Variants in CFAP299 observed in about 807,000 individuals in gnomAD.
CFAP299 encodes cilia and flagella associated protein 299, also known as cilia- and flagella-associated protein 299.
Under a neutral mutation model 27.0 loss-of-function variants are expected in CFAP299, and 21 were observed. That is an observed-to-expected ratio of 0.78 (90% CI 0.55 to 1.12). The LOEUF (loss-of-function observed/expected upper bound fraction) is 1.12, where lower values mean the gene tolerates loss of function less well. Among genes scored for constraint, CFAP299 ranks in the 50% most tolerant of loss-of-function variants. The pLI is 0.00. For synonymous variants in CFAP299, 104 were observed against 98.1 expected (o/e 1.06, Z -0.36); for missense variants, 310 against 276.6 (o/e 1.12, Z -0.86).
intron 2 of CFAP299, among the ~76,000 whole-genome samples, chr4:80,396,088 C>T (rs1234722199): frequency 1.3e-5 from 2 of 152,052 alleles, no homozygotes; most frequent in African/African-American, 2.4e-5. Context: ...GTGTCACTGC[C>T]AAGTTTGTCA....
rs572215290 is a variant in CFAP299 at position 80,872,025 on chromosome 4, G to A, written c.476+1890G>A. 2.6e-5 allele frequency: 4 copies of A among 151,092 alleles called. No individual in the cohort carries two copies. In the South Asian group the frequency reaches 8.4e-4, roughly 32 times the overall value. 9.4% of individuals were successfully genotyped at this position (151,092 alleles called of 1,614,324 possible). A position where few individuals can be genotyped will look rare whatever the true frequency, so the allele number is the denominator to read the frequency against. On this transcript the variant is annotated intron_variant, in intron 4 of 5. Coordinates refer to ENST00000358105, the MANE Select transcript of CFAP299 (RefSeq NM_152770.3). ...TCTTCTACGCTATTGATTTGTTGGA[G>A]AAACCAGGTCCTGATAAACATTGTC...
intron 4 of CFAP299, among the ~76,000 whole-genome samples, chr4:80,918,948 G>T (rs1735901547): frequency 6.6e-6 from 1 of 152,100 alleles, no homozygotes; most frequent in Non-Finnish European, 1.5e-5. Context: ...TGTAGACTGT[G>T]ATGGTGGCTG....
intron 4 of CFAP299, among the ~76,000 whole-genome samples, chr4:80,918,855 C>T (rs545051174): frequency 9.2e-5 from 14 of 152,076 alleles, no homozygotes; most frequent in Middle Eastern, 3.4e-3. Flanking sequence ...TCAGAAGTTC[C>T]GGGTTCAGGG....
intron 2 of CFAP299, among the ~76,000 whole-genome samples, chr4:80,520,795 T>C (rs757436173): frequency 2.0e-5 from 3 of 152,250 alleles, no homozygotes; most frequent in Admixed American, 6.5e-5. Context: ...CAAGACTTTC[T>C]GGTGGCCTTT....
chr4:80,492,685 A>C (rs1169209774), intron 2 of CFAP299, among the ~76,000 whole-genome samples: 2 of 152,212 alleles, frequency 1.3e-5, no homozygotes, highest in Non-Finnish European at 2.9e-5. Context: ...AGGTATGGTG[A>C]GGCCAACAGA....
Position 80,860,430 on chromosome 4 carries a change from G to C in CFAP299, c.334-9563G>C, listed in dbSNP as rs113071356. Among the ~76,000 whole-genome samples, 13 of 152,300 alleles carry C rather than the reference G, an allele frequency of 8.5e-5. 1 individual carries two copies. Among genetic ancestry groups the C allele is most frequent in the African/African-American group, 2.9e-4 (12 of 41,570 alleles). On this transcript the variant is annotated intron_variant, in intron 3 of 5. Coordinates refer to ENST00000358105, the MANE Select transcript of CFAP299 (RefSeq NM_152770.3). The stretch of plus-strand genomic sequence containing the variant: ...ACTCGTCAAAGTCATTCTCTGTCCA[G>C]CTTTGTTCCATTGCTGGTGAGGAAC...
At chr4:80,631,378 TA>T (rs1739197845) in intron 3 of CFAP299, among the ~76,000 whole-genome samples, 2 of 152,210 alleles carry the variant, frequency 1.3e-5, no homozygotes, top group African/African-American at 4.8e-5. Flanking sequence ...GATACCTACA[TA>T]AACATCAAGT....
intron 4 of CFAP299, among the ~76,000 whole-genome samples, chr4:80,897,678 A>G (rs1245264328): frequency 6.6e-6 from 1 of 152,146 alleles, no homozygotes; most frequent in Non-Finnish European, 1.5e-5. Flanking sequence ...TGTTTCTGCA[A>G]GTCAGGAACC....
At chr4:80,516,620 A>C (rs1732603488) in intron 2 of CFAP299, among the ~76,000 whole-genome samples, 1 of 152,172 alleles carries the variant, frequency 6.6e-6, no homozygotes, top group African/African-American at 2.4e-5. Context: ...TAAACCATTC[A>C]TGAGGAATCT....
intron 3 of CFAP299, among the ~76,000 whole-genome samples, chr4:80,821,616 G>A (rs1328443282): frequency 6.6e-6 from 1 of 152,102 alleles, no homozygotes; most frequent in Non-Finnish European, 1.5e-5. Flanking sequence ...TTTTAAAGTA[G>A]CACCTAAAGA....
At chr4:80,464,810 C>A (rs1729626999) in intron 2 of CFAP299, among the ~76,000 whole-genome samples, 1 of 151,940 alleles carries the variant, frequency 6.6e-6, no homozygotes, top group South Asian at 2.1e-4. Flanking sequence ...AAAAAAGTAT[C>A]TGGAATATTA....
At chr4:80,545,703 G>A (rs918081323) in intron 2 of CFAP299, among the ~76,000 whole-genome samples, 1 of 152,140 alleles carries the variant, frequency 6.6e-6, no homozygotes, top group Middle Eastern at 3.4e-3. Flanking sequence ...TAAAACCATT[G>A]CAAAAAATCA....
intron 3 of CFAP299, among the ~76,000 whole-genome samples, chr4:80,708,185 T>G (rs1039576299): frequency 2.0e-5 from 3 of 152,074 alleles, no homozygotes; most frequent in African/African-American, 7.2e-5. Flanking sequence ...TTTCATAGTT[T>G]GACCAGTAGA....
rs142752522 is a variant in CFAP299 at position 80,573,582 on chromosome 4, T to A, written c.243-9511T>A. Among the ~76,000 whole-genome samples the A allele has an allele frequency of 7.4e-3, 1,120 of 152,266 alleles. 13 individuals are homozygous for A. The highest frequency in any genetic ancestry group is 0.017 in the Middle Eastern group (5 of 294). On this transcript the variant is annotated intron_variant, in intron 2 of 5. Transcript: ENST00000358105. ...TTTCTCCAGTGTTTTCTTGTAGTAGTTTCACAGTTTGAGGTCTTAGATTTA... is the reference window on the plus strand; with the variant it reads ...TTTCTCCAGTGTTTTCTTGTAGTAGATTCACAGTTTGAGGTCTTAGATTTA...
chr4:80,613,296 T>A (rs929535331), intron 3 of CFAP299, among the ~76,000 whole-genome samples: 1 of 152,148 alleles, frequency 6.6e-6, no homozygotes, highest in Non-Finnish European at 1.5e-5. Flanking sequence ...ATACAGAGCT[T>A]TGACACCTGA....
chr4:80,468,220 TTTC>T (rs1171948338), intron 2 of CFAP299, among the ~76,000 whole-genome samples: 1 of 144,590 alleles, frequency 6.9e-6, no homozygotes, highest in Non-Finnish European at 1.5e-5. Flanking sequence ...AAAGTTATAA[TTTC>T]TTTTTTTTTT....
At chr4:80,802,684 A>G (rs145153254) in intron 3 of CFAP299, among the ~76,000 whole-genome samples, 5 of 152,150 alleles carry the variant, frequency 3.3e-5, no homozygotes, top group African/African-American at 1.2e-4. Context: ...CTCCTTCACT[A>G]AGCATAATTT....
At chr4:80,434,778 G>T (rs745444161) in intron 2 of CFAP299, among the ~76,000 whole-genome samples, 8 of 152,174 alleles carry the variant, frequency 5.3e-5, no homozygotes, top group Non-Finnish European at 8.8e-5. Context: ...TTTGGTAGGC[G>T]GGAGGAGGAG....
chr4:80,455,489 T>G (rs1200588555), intron 2 of CFAP299, among the ~76,000 whole-genome samples: 1 of 152,202 alleles, frequency 6.6e-6, no homozygotes, highest in African/African-American at 2.4e-5. Context: ...ACATTTTATT[T>G]GATATTCTTA....
Sources: gnomAD v4.1 joint callset for allele counts (sites outside exome capture counted in the v4.1 genomes callset) on GRCh38, gnomAD v4.1.1 for gene constraint, MANE v1.5 for transcripts, NCBI Gene and HGNC (gene_info 2026-07-23, HGNC 2026-07-21) for gene names.